GLYAT: variants seen among roughly 807,000 people sequenced by gnomAD.
GLYAT encodes glycine N-acyltransferase.
Under a neutral mutation model 22.8 loss-of-function variants are expected in GLYAT, and 25 were observed. That is an observed-to-expected ratio of 1.09 (90% confidence interval 0.80 to 1.53). The LOEUF (loss-of-function observed/expected upper bound fraction) is 1.53, where lower values mean the gene tolerates loss of function less well. Ranked by LOEUF, GLYAT falls within the 40% of genes most tolerant of loss-of-function variation. The pLI, the probability that GLYAT is intolerant of heterozygous loss-of-function variation, is 0.00. For synonymous variants in GLYAT, 140 were observed against 122.7 expected, an observed-to-expected ratio of 1.14 and a Z score of -0.93; for missense variants, 411 against 353.9, an observed-to-expected ratio of 1.16 and a Z score of -1.29.
intron 2 of GLYAT, among the ~76,000 whole-genome samples, chr11:58,718,975 A>C (rs1856717306): frequency 6.6e-6 from 1 of 152,044 alleles, no homozygotes; most frequent in African/African-American, 2.4e-5. Flanking sequence ...GACAGCCCAA[A>C]GAAAACCAAA....
intron 2 of GLYAT, among the ~76,000 whole-genome samples, chr11:58,723,030 G>A (rs1286640608): frequency 1.3e-5 from 2 of 151,996 alleles, no homozygotes; most frequent in Non-Finnish European, 2.9e-5. Flanking sequence ...TCACCATAGA[G>A]GGGTCCCAAG....
intron 2 of GLYAT, among the ~76,000 whole-genome samples, chr11:58,716,861 AC>A (rs1462054641): frequency 1.3e-5 from 2 of 152,082 alleles, no homozygotes; most frequent in African/African-American, 4.8e-5. Context: ...GAGATATGAT[AC>A]CTCAATCAAT....
chr11:58,716,816 G>T (rs1398494360), intron 2 of GLYAT, among the ~76,000 whole-genome samples: 1 of 152,074 alleles, frequency 6.6e-6, no homozygotes, highest in Admixed American at 6.6e-5. Context: ...CATGCCCAAG[G>T]TGGCTGGGCA....
At chr11:58,720,359 A>G (rs569249646) in intron 2 of GLYAT, among the ~76,000 whole-genome samples, 1 of 152,002 alleles carries the variant, frequency 6.6e-6, no homozygotes, top group Non-Finnish European at 1.5e-5. Context: ...TACCCCAATT[A>G]TTTTAATTGT....
chr11:58,715,429 G>A lies in GLYAT; in HGVS notation c.82-6C>T. Reference sequence around the variant, plus strand: ...TGAAAGACAGTTCCATAAACCTGCAGGATCCCAAGAAATTGACAGGGTTGG... The same window carrying A: ...TGAAAGACAGTTCCATAAACCTGCAAGATCCCAAGAAATTGACAGGGTTGG... On this transcript the variant is annotated splice_polypyrimidine_tract_variant and splice_region_variant and intron_variant, in intron 2 of 5. Coordinates refer to ENST00000344743, the MANE Select transcript of GLYAT (RefSeq NM_201648.3). 2 of 1,356,380 alleles carry A rather than the reference G, an allele frequency of 1.5e-6. No individual in the cohort carries two copies. Among genetic ancestry groups the A allele is most frequent in the Non-Finnish European group, 2.1e-6 (2 of 952,292 alleles). 84.0% of individuals were successfully genotyped at this position (1,356,380 alleles called of 1,614,324 possible).
intron 1 of GLYAT, among the ~76,000 whole-genome samples, chr11:58,730,050 C>T (rs1473293121): frequency 1.3e-5 from 2 of 152,180 alleles, no homozygotes; most frequent in Non-Finnish European, 2.9e-5. Context: ...TCCAAGAAAT[C>T]TGACACAATA....
At chr11:58,721,460 C>T (rs894691951) in intron 2 of GLYAT, among the ~76,000 whole-genome samples, 2 of 151,304 alleles carry the variant, frequency 1.3e-5, no homozygotes, top group Non-Finnish European at 2.9e-5. Flanking sequence ...ATTCAGTCAA[C>T]TGAGAAGGAA....
intron 2 of GLYAT, among the ~76,000 whole-genome samples, chr11:58,717,152 G>GC (rs148038594): frequency 0.2 from 29,832 of 151,766 alleles, 3,155 homozygotes; most frequent in African/African-American, 0.26. Flanking sequence ...CCTTTTATAT[G>GC]CCCCCCATCC....
chr11:58,719,631 A>G (rs112959367), intron 2 of GLYAT, among the ~76,000 whole-genome samples: 58 of 152,092 alleles, frequency 3.8e-4, no homozygotes, highest in African/African-American at 1.3e-3. Flanking sequence ...TGTCTCAGGA[A>G]GGCAGTTTAT....
At position 58,724,425 on chromosome 11, in the gene GLYAT, T is replaced by C; in HGVS notation, c.72A>G (p.Ala24=). The C allele has an allele frequency of 6.3e-7, 1 of 1,592,138 alleles. No individual in the cohort carries two copies. The highest frequency in any genetic ancestry group is 8.6e-7 in the Non-Finnish European group (1 of 1,161,338). ...AATTTTCCATTATCACCTTTAAGGA[T>C]GCTGGGAGGCTCTTCCTCAAGGATT... is the stretch of plus-strand genomic sequence containing the variant. ...LEKSLRKSLP[A]SLKVYGTVFH... The change falls in exon 2 of 6, where the codon GCA becomes GCG. Residue 24 remains alanine (A), a synonymous_variant. Coordinates refer to ENST00000344743, the MANE Select transcript of GLYAT (RefSeq NM_201648.3).
chr11:58,722,563 C>A (rs1369681176), intron 2 of GLYAT, among the ~76,000 whole-genome samples: 1 of 152,074 alleles, frequency 6.6e-6, no homozygotes, highest in African/African-American at 2.4e-5. Flanking sequence ...GTGAGACAAA[C>A]AATTCATTCT....
chr11:58,721,545 A>T (rs1856750240), intron 2 of GLYAT, among the ~76,000 whole-genome samples: 1 of 152,038 alleles, frequency 6.6e-6, no homozygotes, highest in South Asian at 2.1e-4. Context: ...AAAAATAAAA[A>T]CATGAAGGCC....
rs1178750879 is a variant in GLYAT at position 58,708,861 on chromosome 11, G to A, written c.*905C>T. On this transcript the variant is annotated 3_prime_UTR_variant, in exon 6 of 6. Transcript: ENST00000344743. ...AGTCTCAGGTATTTTGTTACAGCAG[G>A]AACAAACTGAGATTAGTAATGTGCT... The A allele has an allele frequency of 6.6e-6, 1 of 152,088 alleles. No homozygotes were observed. 9.4% of individuals were successfully genotyped at this position (152,088 alleles called of 1,614,324 possible). A position where few individuals can be genotyped will look rare whatever the true frequency, so the allele number is the denominator to read the frequency against.
At chr11:58,727,474 T>A (rs893888124) in intron 1 of GLYAT, among the ~76,000 whole-genome samples, 1 of 152,088 alleles carries the variant, frequency 6.6e-6, no homozygotes, top group Non-Finnish European at 1.5e-5. Flanking sequence ...AAGAGCCATT[T>A]TTAGTTGAAA....
intron 2 of GLYAT, among the ~76,000 whole-genome samples, chr11:58,718,804 A>T (rs1856714797): frequency 6.6e-6 from 1 of 152,012 alleles, no homozygotes. Flanking sequence ...GATTAAAAAA[A>T]GGTTTAAGGC....
rs1396268808 is a variant in GLYAT, at chr11:58,713,133, A to T, written c.190-247T>A. Among the ~76,000 whole-genome samples, 5 of 152,258 alleles carry T rather than the reference A, an allele frequency of 3.3e-5. 1 individual carries two copies. Among genetic ancestry groups the T allele is most frequent in the African/African-American group, 1.2e-4 (5 of 41,564 alleles). On this transcript the variant is annotated intron_variant, in intron 3 of 5. Coordinates refer to ENST00000344743, the MANE Select transcript of GLYAT (RefSeq NM_201648.3). ...TAATTATTATTTCCATGTGTTGAGA[A>T]CATTTCAAGTCCTCCTTCAATCTAC...
Position 58,728,863 on chromosome 11 carries a change from AAAG to A in GLYAT, c.-16+2969_-16+2971del, listed in dbSNP as rs1856837965. ...AAAAGGAAAGAAAGAAGAAAGAAAG[AAAG>A]AAAGAAAGAAAGAAAGAAAGAAAGA... is the stretch of plus-strand genomic sequence containing the variant. On this transcript the variant is annotated intron_variant, in intron 1 of 5. Coordinates refer to ENST00000344743, the MANE Select transcript of GLYAT (RefSeq NM_201648.3). The A allele has an allele frequency of 6.3e-5, 6 of 95,186 alleles. No individual in the cohort carries two copies. The South Asian group carries it at 2.4e-3, about 38-fold the overall frequency. 5.9% of individuals were successfully genotyped at this position (95,186 alleles called of 1,614,324 possible). A position where few individuals can be genotyped will look rare whatever the true frequency, so the allele number is the denominator to read the frequency against.
At chr11:58,717,230 A>C (rs549782891) in intron 2 of GLYAT, among the ~76,000 whole-genome samples, 1 of 152,210 alleles carries the variant, frequency 6.6e-6, no homozygotes, top group South Asian at 2.1e-4. Flanking sequence ...GTTTCATTTA[A>C]TGTCTTACGG....
intron 2 of GLYAT, among the ~76,000 whole-genome samples, chr11:58,717,692 T>G (rs543618365): frequency 1.3e-5 from 2 of 152,092 alleles, no homozygotes; most frequent in African/African-American, 4.8e-5. Flanking sequence ...ACAACAGGTG[T>G]ACTATAGTCT....
Sources: allele counts gnomAD v4.1 joint callset (sites outside exome capture counted in the v4.1 genomes callset), GRCh38; gene constraint gnomAD v4.1.1; transcripts MANE v1.5; gene names NCBI Gene and HGNC (gene_info 2026-07-23, HGNC 2026-07-21).